The following KBTBD11 variants were observed in gnomAD, a reference collection of about 807,000 sequenced individuals.
The protein encoded by KBTBD11 is kelch repeat and BTB domain-containing protein 11.
For missense variants in KBTBD11, 1,390 were observed against 1,001.8 expected, an observed-to-expected ratio of 1.39 and a Z score of -5.23; for synonymous variants, 747 against 499.0, an observed-to-expected ratio of 1.50 and a Z score of -6.63.
Position 2,001,647 on chromosome 8 carries a change from G to C in KBTBD11, c.455G>C (p.Arg152Pro). The C allele has an allele frequency of 6.8e-7, 1 of 1,478,528 alleles. No individual in the cohort carries two copies. The allele number at this position is 1,478,528 out of a possible 1,614,324, so 91.6% of individuals were successfully genotyped here. ...CTGGAGGTGTCGGGGCGCCGGCTGC[G>C]CGCGCACAAGGCGGTGCTGGCGGCG... ...LVLEVSGRRL[R>P]AHKAVLAARS... Residue 152 changes from arginine (R) to proline (P), a missense_variant, in exon 2 of 2, where the codon CGC becomes CCC. By Grantham distance (103) the Arg-to-Pro change is moderately radical. Transcript: ENST00000320248.
intron 1 of KBTBD11, among the ~76,000 whole-genome samples, chr8:1,977,196 T>G (rs987788707): frequency 6.6e-6 from 1 of 152,146 alleles, no homozygotes; most frequent in Admixed American, 6.5e-5. Context: ...AGACCCCTGC[T>G]TTAGAGCTTG....
intron 1 of KBTBD11, among the ~76,000 whole-genome samples, chr8:1,993,358 G>GTCCGTCC: frequency 6.7e-6 from 1 of 149,798 alleles, no homozygotes; most frequent in Admixed American, 6.6e-5. Context: ...TCCATCCATC[G>GTCCGTCC]GTCCATCCGT....
rs1817347631 is a variant in KBTBD11 at position 2,001,418 on chromosome 8, C to T, written c.226C>T (p.Arg76Trp). The T allele has an allele frequency of 7.3e-7, 1 of 1,378,816 alleles. No individual in the cohort carries two copies. Among genetic ancestry groups the T allele is most frequent in the Middle Eastern group, 2.7e-4 (1 of 3,732 alleles). The allele number at this position is 1,378,816 out of a possible 1,614,324, so 85.4% of individuals were successfully genotyped here. Residue 76 changes from arginine (R) to tryptophan (W), a missense_variant, in exon 2 of 2, where the codon CGG (arginine) becomes TGG (tryptophan). Coordinates refer to ENST00000320248, the MANE Select transcript of KBTBD11 (RefSeq NM_014867.3). ...PSSGGPRVVE[R>W]QWEAGSAGAA... ...CAGCGGTGGCCCGCGGGTGGTGGAG[C>T]GGCAGTGGGAGGCCGGCAGCGCGGG... is the stretch of plus-strand genomic sequence containing the variant.
At chr8:1,987,837 C>T (rs146889149) in intron 1 of KBTBD11, among the ~76,000 whole-genome samples, 211 of 152,152 alleles carry the variant, frequency 1.4e-3, no homozygotes, top group Non-Finnish European at 9.1e-4. Context: ...CACCCATTAA[C>T]TCGTCATTTA....
intron 1 of KBTBD11, among the ~76,000 whole-genome samples, chr8:1,996,151 G>A (rs1817128220): frequency 1.3e-5 from 2 of 152,346 alleles, no homozygotes; most frequent in South Asian, 2.1e-4. Flanking sequence ...TGTGTGAATG[G>A]CATCTTTCTG....
Position 2,002,330 on chromosome 8 carries a change from G to A in KBTBD11, c.1138G>A (p.Asp380Asn), listed in dbSNP as rs996321966. ...AGPDGRARPS[D>N]QVFCYNPATD... ...CCCCGACGGCCGCGCGCGCCCGTCC[G>A]ACCAGGTCTTCTGCTACAACCCGGC... The change falls in exon 2 of 2, where the codon GAC (aspartate) becomes AAC (asparagine). Residue 380 changes from aspartate to asparagine, a missense_variant. Asp to Asn is a conservative substitution (Grantham distance 23). Transcript: ENST00000320248. The surrounding 1 kb of genome is among the most constrained non-coding windows in gnomAD (Gnocchi z 4.1). The A allele has an allele frequency of 7.1e-7, 1 of 1,402,894 alleles. No individual in the cohort carries two copies. The highest frequency in any genetic ancestry group is 9.3e-7 in the Non-Finnish European group (1 of 1,079,858). 86.9% of individuals were successfully genotyped at this position (1,402,894 alleles called of 1,614,324 possible). A position where few individuals can be genotyped will look rare whatever the true frequency, so the allele number is the denominator to read the frequency against.
intron 1 of KBTBD11, among the ~76,000 whole-genome samples, chr8:1,983,865 T>C (rs935603409): frequency 5.3e-5 from 8 of 152,176 alleles, no homozygotes; most frequent in Admixed American, 2.6e-4. Flanking sequence ...CGTGGTGGCT[T>C]ACGCCTGTAA....
At chr8:1,984,273 A>G (rs1477669617) in intron 1 of KBTBD11, among the ~76,000 whole-genome samples, 2 of 140,948 alleles carry the variant, frequency 1.4e-5, no homozygotes, top group African/African-American at 5.2e-5. Flanking sequence ...CCCCATCTCT[A>G]AAAAAGTTTT....
rs1049903181 is a variant in KBTBD11 at position 2,003,391 on chromosome 8, G to A, written c.*327G>A. On this transcript the variant is annotated 3_prime_UTR_variant, in exon 2 of 2. Transcript: ENST00000320248. ...CCTGAGGCAGCCTGCAGCCGGCCCCGGGGTGTCCCGAACCCCGCAGAGCAC... is the reference window on the plus strand; with the variant it reads ...CCTGAGGCAGCCTGCAGCCGGCCCCAGGGTGTCCCGAACCCCGCAGAGCAC... 2 of 254,224 alleles carry A rather than the reference G, an allele frequency of 7.9e-6. No individual in the cohort carries two copies. Among genetic ancestry groups the A allele is most frequent in the Non-Finnish European group, 1.6e-5 (2 of 126,728 alleles). 15.7% of individuals were successfully genotyped at this position (254,224 alleles called of 1,614,324 possible).
intron 1 of KBTBD11, among the ~76,000 whole-genome samples, chr8:1,990,344 C>A (rs1204082644): frequency 1.4e-5 from 2 of 147,392 alleles, no homozygotes; most frequent in Non-Finnish European, 3.0e-5. Context: ...TGGGTAGATG[C>A]TGGGCCTTGG....
At chr8:1,980,417 G>A (rs554785472) in intron 1 of KBTBD11, among the ~76,000 whole-genome samples, 1 of 152,118 alleles carries the variant, frequency 6.6e-6, no homozygotes, top group East Asian at 1.9e-4. Flanking sequence ...AGTACAGATG[G>A]GGTTTCACCA....
intron 1 of KBTBD11, among the ~76,000 whole-genome samples, chr8:1,993,511 A>G (rs1435908309): frequency 9.8e-6 from 1 of 101,726 alleles, no homozygotes; most frequent in African/African-American, 3.4e-5. Flanking sequence ...CCATCCATCC[A>G]TCCATCCACC....
chr8:1,975,600 G>A (rs760089442), intron 1 of KBTBD11, among the ~76,000 whole-genome samples: 25 of 152,246 alleles, frequency 1.6e-4, no homozygotes, highest in Non-Finnish European at 3.1e-4. Flanking sequence ...GCACAGTGAT[G>A]AAGTTATCTA....
intron 1 of KBTBD11, among the ~76,000 whole-genome samples, chr8:1,993,347 G>T (rs995342210): frequency 6.7e-6 from 1 of 149,902 alleles, no homozygotes; most frequent in Non-Finnish European, 1.5e-5. Flanking sequence ...CCATCTTTCT[G>T]TCCATCCATC....
At position 2,004,322 on chromosome 8, in the gene KBTBD11, G is replaced by C. The variant is rs946277676; in HGVS notation, c.*1258G>C. 6.0e-6 allele frequency: 1 copy of C among 166,834 alleles called. No homozygotes were observed. Among genetic ancestry groups the C allele is most frequent in the Non-Finnish European group, 1.5e-5 (1 of 68,124 alleles). 10.3% of individuals were successfully genotyped at this position (166,834 alleles called of 1,614,324 possible). A position where few individuals can be genotyped will look rare whatever the true frequency, so the allele number is the denominator to read the frequency against. On this transcript the variant is annotated 3_prime_UTR_variant, in exon 2 of 2. Transcript: ENST00000320248. The stretch of plus-strand genomic sequence containing the variant: ...TCATTTAACATTTTACTTTTCAAGT[G>C]TGTATACAGAGGACTTACTATTATG...
chr8:1,991,398 C>T (rs1041215595), intron 1 of KBTBD11, among the ~76,000 whole-genome samples: 3 of 152,242 alleles, frequency 2.0e-5, no homozygotes, highest in Admixed American at 2.0e-4. Context: ...GCGAACTTAC[C>T]TCAGACGCCC....
intron 1 of KBTBD11, among the ~76,000 whole-genome samples, chr8:1,994,374 G>A (rs113453561): frequency 1.6e-4 from 24 of 152,324 alleles, no homozygotes; most frequent in African/African-American, 3.6e-4. Context: ...CCGGCGACCC[G>A]CCTGAACATT....
chr8:1,992,005 A>G (rs557388573), intron 1 of KBTBD11, among the ~76,000 whole-genome samples: 2 of 152,236 alleles, frequency 1.3e-5, no homozygotes, highest in African/African-American at 4.8e-5. Flanking sequence ...ATGGGAGGTC[A>G]TCTACCCAAG....
rs775674268 is a variant in KBTBD11, at chr8:2,001,402, C to T, written c.210C>T (p.Gly70=). Reference sequence around the variant, plus strand: ...CCACCTCCCCGCCCTCCAGCGGTGGCCCGCGGGTGGTGGAGCGGCAGTGGG... The same window carrying T: ...CCACCTCCCCGCCCTCCAGCGGTGGTCCGCGGGTGGTGGAGCGGCAGTGGG... ...GAATSPPSSG[G]PRVVERQWEA... Residue 70 remains glycine, a synonymous_variant, in exon 2 of 2, where the codon GGC becomes GGT. Transcript: ENST00000320248. The T allele has an allele frequency of 1.7e-5, 24 of 1,411,302 alleles. No individual in the cohort carries two copies. The East Asian group carries it at 2.1e-4, about 12-fold the overall frequency. 87.4% of individuals were successfully genotyped at this position (1,411,302 alleles called of 1,614,324 possible).
Sources: allele counts gnomAD v4.1 joint callset (sites outside exome capture counted in the v4.1 genomes callset), GRCh38; gene constraint gnomAD v4.1.1; non-coding constraint Gnocchi (gnomAD v3.1); transcripts MANE v1.5; gene names NCBI Gene and HGNC (gene_info 2026-07-23, HGNC 2026-07-21).